Variants in BAZ1B observed in about 807,000 individuals in gnomAD.
BAZ1B encodes the protein bromodomain adjacent to zinc finger domain 1B.
In BAZ1B, 22 loss-of-function variants were observed where a neutral mutation model predicts 153.8. The observed-to-expected ratio is 0.14, with a 90% CI of 0.10 to 0.20. The LOEUF (loss-of-function observed/expected upper bound fraction) is 0.20, where lower values mean the gene tolerates loss of function less well. Ranked by LOEUF, BAZ1B falls within the 10% of genes least tolerant of loss-of-function variation. The probability of loss-of-function intolerance (pLI) is 1.00; values close to 1 mark genes in which losing one functional copy is unlikely to be tolerated. For missense variants in BAZ1B, 1,325 were observed against 1,799.3 expected (o/e 0.74, Z 4.77); for synonymous variants, 676 against 633.4 (o/e 1.07, Z -1.01).
chr7:73,490,929 C>T (rs1321692582), intron 5 of BAZ1B, among the ~76,000 whole-genome samples: 1 of 151,524 alleles, frequency 6.6e-6, no homozygotes, highest in Non-Finnish European at 1.5e-5. Context: ...TCTTAATCAG[C>T]TACCTTGCTG....
intron 7 of BAZ1B, among the ~76,000 whole-genome samples, chr7:73,471,601 C>T (rs1210824307): frequency 1.3e-5 from 2 of 152,120 alleles, no homozygotes; most frequent in African/African-American, 4.8e-5. Context: ...CCTCCTGCCT[C>T]GGCCTCTCAA....
At position 73,477,567 on chromosome 7, in the gene BAZ1B, T is replaced by C. The variant is rs199568137; in HGVS notation, c.1894A>G (p.Ile632Val). ...GLLLPDAQYPITAVSLMEALS... is the reference protein window; with the variant it reads ...GLLLPDAQYPVTAVSLMEALS... ...GCTTCCATAAGGGACACAGCAGTAA[T>C]AGGATACTGAGCATCTGGTAAAAGT... The change falls in exon 7 of 20, where the codon ATT becomes GTT. Residue 632 changes from isoleucine to valine, a missense_variant. This residue lies in a region of BAZ1B where 154 missense variants were observed against 266.3 expected (regional missense o/e 0.58). Coordinates refer to ENST00000339594, the MANE Select transcript of BAZ1B (RefSeq NM_032408.4). The surrounding 1 kb of genome is among the most constrained non-coding windows in gnomAD (Gnocchi z 5.6). 3.7e-6 allele frequency: 6 copies of C among 1,614,104 alleles called. No homozygotes were observed. The highest frequency in any genetic ancestry group is 4.5e-5 in the East Asian group (2 of 44,878).
chr7:73,472,125 CCTTCT>C (rs1554572076), intron 7 of BAZ1B, among the ~76,000 whole-genome samples: 1 of 152,290 alleles, frequency 6.6e-6, no homozygotes, highest in Non-Finnish European at 1.5e-5. Flanking sequence ...ATCTTCTTTT[CCTTCT>C]CTTAAGATAA....
chr7:73,449,057 A>G (rs1400749822), intron 15 of BAZ1B, among the ~76,000 whole-genome samples: 9 of 152,208 alleles, frequency 5.9e-5, no homozygotes, highest in Admixed American at 5.2e-4. Context: ...CTGGATCATC[A>G]AACATCTGGG....
chr7:73,450,196 A>G lies in BAZ1B; in HGVS notation c.3581-507T>C, dbSNP rs1787986240. ...CCAAAGTGCTGGGATTACAGGCGTG[A>G]GCCACCGCGCCCGGCCCCTGATGGG... is the stretch of plus-strand genomic sequence containing the variant. On this transcript the variant is annotated intron_variant, in intron 14 of 19. Coordinates refer to ENST00000339594, the MANE Select transcript of BAZ1B (RefSeq NM_032408.4). This position sits in a 1 kb window ranked among gnomAD's most constrained non-coding sequence, Gnocchi z 4.1. Among the ~76,000 whole-genome samples, 1 of 152,110 alleles carries G rather than the reference A, an allele frequency of 6.6e-6. No individual in the cohort carries two copies. The highest frequency in any genetic ancestry group is 1.5e-5 in the Non-Finnish European group (1 of 68,016).
At chr7:73,463,230 T>C (rs1788457384) in intron 11 of BAZ1B, 131 bp from the exon 12 acceptor site, 1 of 857,118 alleles carries the variant, frequency 1.2e-6, no homozygotes, top group Non-Finnish European at 1.7e-6. Context: ...CTGGTGTTTT[T>C]TCTTTTTTCT....
At chr7:73,466,485 C>A in intron 9 of BAZ1B, 84 bp from the exon 10 acceptor site, 1 of 843,204 alleles carries the variant, frequency 1.2e-6, no homozygotes, top group South Asian at 1.5e-5. Flanking sequence ...GTGCCAAACT[C>A]AACAATTTGT....
rs782326072 is a variant in BAZ1B, at chr7:73,442,786, G to C, written c.4033C>G (p.Leu1345Val). The change falls in exon 18 of 20, where the codon CTG becomes GTG. Residue 1345 changes from leucine (L) to valine (V), a missense_variant. Physicochemically the swap from Leu to Val is conservative, Grantham distance 32. Transcript: ENST00000339594. Reference protein sequence around the residue: ...KRSSRRQSLELQKCEEILHKI... With the variant: ...KRSSRRQSLEVQKCEEILHKI... ...TGGAGGATCTCTTCACACTTCTGCA[G>C]CTCCAGGCTTTGCCTCCGGGAGCTC... 3.7e-6 allele frequency: 6 copies of C among 1,614,054 alleles called. No individual in the cohort carries two copies. The highest frequency in any genetic ancestry group is 5.1e-6 in the Non-Finnish European group (6 of 1,180,002).
chr7:73,512,028 C>CAAAAAAAAAAAAAAA (rs1168749967), intron 1 of BAZ1B, among the ~76,000 whole-genome samples: 4 of 34,746 alleles, frequency 1.2e-4, no homozygotes, highest in African/African-American at 4.9e-4. Context: ...AACTCCACCT[C>CAAAAAAAAAAAAAAA]AAAAAAAAAA....
chr7:73,447,489 T>A, intron 15 of BAZ1B, 110 bp from the exon 16 acceptor site: 1 of 1,308,612 alleles, frequency 7.6e-7, no homozygotes, highest in Non-Finnish European at 1.0e-6. Context: ...ACTACATATG[T>A]ATAACGTATG....
intron 6 of BAZ1B, among the ~76,000 whole-genome samples, chr7:73,485,927 A>G (rs1789389998): frequency 3.9e-5 from 6 of 152,304 alleles, no homozygotes; most frequent in African/African-American, 1.4e-4. Context: ...GCTGCAATGT[A>G]TTACAAGAGG....
In BAZ1B at chr7:73,521,991, A is replaced by G; in HGVS notation, c.-58T>C. On this transcript the variant is annotated 5_prime_UTR_variant, in exon 1 of 20. Coordinates refer to ENST00000339594, the MANE Select transcript of BAZ1B (RefSeq NM_032408.4). ...GGGGCCGGCCCCGCGGCGCAGCACT[A>G]GGCCCCGCGGCCCGGAGCGAGCGCC... 8.8e-7 allele frequency: 1 copy of G among 1,140,526 alleles called. No individual in the cohort carries two copies. Among genetic ancestry groups the G allele is most frequent in the Non-Finnish European group, 1.1e-6 (1 of 906,674 alleles). 70.7% of individuals were successfully genotyped at this position (1,140,526 alleles called of 1,614,324 possible).
intron 3 of BAZ1B, among the ~76,000 whole-genome samples, chr7:73,503,457 C>G (rs1216564895): frequency 1.3e-5 from 2 of 151,932 alleles, no homozygotes; most frequent in Non-Finnish European, 2.9e-5. Flanking sequence ...CTCACTGCAG[C>G]CTTGAACTCC....
chr7:73,458,675 A>AC (rs1388739624), intron 13 of BAZ1B, among the ~76,000 whole-genome samples: 1 of 2,718 alleles, frequency 3.7e-4, no homozygotes, highest in Non-Finnish European at 5.8e-4. Flanking sequence ...CTCTTTCTCC[A>AC]AAAAAAAAAA....
intron 4 of BAZ1B, 60 bp from the exon 5 acceptor site, chr7:73,492,981 C>A: frequency 6.6e-7 from 1 of 1,510,576 alleles, no homozygotes; most frequent in Non-Finnish European, 8.9e-7. Context: ...TTCATTCATT[C>A]ATTAACAAGT....
intron 9 of BAZ1B, among the ~76,000 whole-genome samples, chr7:73,468,588 T>C (rs1222469632): frequency 6.6e-6 from 1 of 152,178 alleles, no homozygotes; most frequent in Non-Finnish European, 1.5e-5. Context: ...CAGAAAACTA[T>C]TCAGTGTGTG....
At chr7:73,492,992 C>A in intron 4 of BAZ1B, 71 bp from the exon 5 acceptor site, 2 of 1,465,818 alleles carry the variant, frequency 1.4e-6, no homozygotes, top group South Asian at 1.4e-5. Flanking sequence ...ATTAACAAGT[C>A]TTAACTGAAC....
At chr7:73,500,504 C>T (rs546139559) in intron 3 of BAZ1B, among the ~76,000 whole-genome samples, 66 of 152,030 alleles carry the variant, frequency 4.3e-4, no homozygotes, top group Non-Finnish European at 7.8e-4. Flanking sequence ...GATTGTGCAC[C>T]GCACTCAAGC....
chr7:73,510,829 C>T lies in BAZ1B; in HGVS notation c.131G>A (p.Arg44Lys), dbSNP rs782401804. The change falls in exon 2 of 20, where the codon AGG becomes AAG. Residue 44 changes from arginine to lysine, a missense_variant. Arg to Lys is a conservative substitution (Grantham distance 26, BLOSUM62 2). Coordinates refer to ENST00000339594, the MANE Select transcript of BAZ1B (RefSeq NM_032408.4). ...TREEYEARLE[R>K]YSERIWTCKS... is the part of the protein sequence containing the mutation. Reference sequence around the variant, plus strand: ...GCACGTCCAAATGCGCTCACTGTACCTTTCCAAGCGGGCTTCATACTCTCT... The same window carrying T: ...GCACGTCCAAATGCGCTCACTGTACTTTTCCAAGCGGGCTTCATACTCTCT... 44 of 1,614,002 alleles carry T rather than the reference C, an allele frequency of 2.7e-5. No homozygotes were observed. The highest frequency in any genetic ancestry group is 4.4e-5 in the South Asian group (4 of 91,090).
Sources: gnomAD v4.1 joint callset for allele counts (sites outside exome capture counted in the v4.1 genomes callset) on GRCh38, gnomAD v4.1.1 for gene constraint, gnomAD v4.1.1 regional missense constraint, Gnocchi (gnomAD v3.1) non-coding constraint, MANE v1.5 for transcripts, NCBI Gene and HGNC (gene_info 2026-07-23, HGNC 2026-07-21) for gene names.